NALCN: variants seen among roughly 807,000 people sequenced by gnomAD.
NALCN encodes sodium leak channel, non-selective, also known as sodium leak channel NALCN.
A neutral mutation model predicts 225.3 loss-of-function variants in NALCN; 111 were observed. The observed-to-expected ratio is 0.49, with a 90% CI of 0.42 to 0.58. The LOEUF is 0.58. Ranked by LOEUF, NALCN falls within the 20% of genes least tolerant of loss-of-function variation. The pLI, the probability that NALCN is intolerant of heterozygous loss-of-function variation, is 0.00. For missense variants in NALCN, 1,378 were observed against 2,202.4 expected (o/e 0.63, Z 7.49); for synonymous variants, 764 against 769.0 (o/e 0.99, Z 0.11).
chr13:101,261,935 A>G (rs1322483250), intron 10 of NALCN, among the ~76,000 whole-genome samples: 3 of 152,172 alleles, frequency 2.0e-5, no homozygotes, highest in Non-Finnish European at 4.4e-5. Context: ...GTATTAGAGG[A>G]AAGGCTTTTC....
intron 40 of NALCN, 57 bp downstream of exon 40, chr13:101,065,347 A>G: frequency 6.3e-7 from 1 of 1,584,834 alleles, no homozygotes; most frequent in East Asian, 2.2e-5. Flanking sequence ...GAGGCCTTGA[A>G]GGCTGACAGC....
rs147182032 is a variant in NALCN at position 101,335,518 on chromosome 13, T to C, written c.799+9748A>G. On this transcript the variant is annotated intron_variant, in intron 7 of 43. Coordinates refer to ENST00000251127, the MANE Select transcript of NALCN (RefSeq NM_052867.4). ...TTGTCCTCGACTCAACAAAAATATG[T>C]CAGGTTTTCCTTGTTCCATGATAAA... Among the ~76,000 whole-genome samples the C allele has an allele frequency of 2.3e-3, 346 of 152,256 alleles. 2 individuals are homozygous for C. Among genetic ancestry groups the C allele is most frequent in the African/African-American group, 8.0e-3 (334 of 41,556 alleles).
chr13:101,103,372 A>G (rs1167238468), intron 25 of NALCN, 33 bp from the exon 26 acceptor site: 1 of 1,585,176 alleles, frequency 6.3e-7, no homozygotes, highest in Admixed American at 1.8e-5. Flanking sequence ...TGGAATTTAT[A>G]CAATTCATCC....
Position 101,302,876 on chromosome 13 carries a change from G to A in NALCN, c.800-10510C>T, listed in dbSNP as rs532254887. On this transcript the variant is annotated intron_variant, in intron 7 of 43. Transcript: ENST00000251127. Reference sequence around the variant, plus strand: ...GAAAACATGTTTAAAATTGAAATTTGTTCAACTGGTTTAGGTTTTTTTTTT... The same window carrying A: ...GAAAACATGTTTAAAATTGAAATTTATTCAACTGGTTTAGGTTTTTTTTTT... 1.9e-3 allele frequency among the ~76,000 whole-genome samples: 284 copies of A among 151,398 alleles called. 1 individual carries two copies. The highest frequency in any genetic ancestry group is 4.1e-3 in the Admixed American group (62 of 15,222).
At chr13:101,277,881 C>A (rs567618781) in intron 10 of NALCN, among the ~76,000 whole-genome samples, 1 of 152,192 alleles carries the variant, frequency 6.6e-6, no homozygotes, top group African/African-American at 2.4e-5. Context: ...AGCCTCTCTG[C>A]CTCTGCTCAT....
In NALCN at chr13:101,387,385, G is replaced by A. The variant is rs528713998; in HGVS notation, c.291+7798C>T. Among the ~76,000 whole-genome samples, 205 of 152,134 alleles carry A rather than the reference G, an allele frequency of 1.3e-3. 2 individuals carry two copies. Among genetic ancestry groups the A allele is most frequent in the Non-Finnish European group, 2.5e-3 (170 of 68,016 alleles). On this transcript the variant is annotated intron_variant, in intron 3 of 43. Coordinates refer to ENST00000251127, the MANE Select transcript of NALCN (RefSeq NM_052867.4). ...TTGACTATTCCTTAGAAATATTTTA[G>A]ATGGAAATCAGTGAATATTAAACAT...
rs192114249 is a variant in NALCN, at chr13:101,341,043, C to T, written c.799+4223G>A. 2.6e-5 allele frequency among the ~76,000 whole-genome samples: 4 copies of T among 152,030 alleles called. No individual in the cohort carries two copies. In the East Asian group the frequency reaches 5.8e-4, roughly 22 times the overall value. ...TGTATAAATGTTACTTTTTTAACTG[C>T]TAAAATGTGAATGTTAAGAATATCA... On this transcript the variant is annotated intron_variant, in intron 7 of 43. Coordinates refer to ENST00000251127, the MANE Select transcript of NALCN (RefSeq NM_052867.4).
chr13:101,384,337 G>T (rs114464008), intron 3 of NALCN, among the ~76,000 whole-genome samples: 115 of 152,202 alleles, frequency 7.6e-4, no homozygotes, highest in African/African-American at 2.6e-3. Flanking sequence ...GCTGAGGAGA[G>T]GAGTGCTTCA....
In NALCN at chr13:101,131,659, G is replaced by A. The variant is rs188883314; in HGVS notation, c.2119-6978C>T. Among the ~76,000 whole-genome samples, 480 of 152,174 alleles carry A rather than the reference G, an allele frequency of 3.2e-3. 4 individuals are homozygous for A. Among genetic ancestry groups the A allele is most frequent in the African/African-American group, 0.011 (439 of 41,524 alleles). Reference sequence around the variant, plus strand: ...TTCTACCATTCCATGAACATTGGACGCTCTGTAACTAAGCTTGGTTTCCTC... The same window carrying A: ...TTCTACCATTCCATGAACATTGGACACTCTGTAACTAAGCTTGGTTTCCTC... On this transcript the variant is annotated intron_variant, in intron 17 of 43. Transcript: ENST00000251127.
At chr13:101,071,984 A>T (rs570227080) in intron 37 of NALCN, among the ~76,000 whole-genome samples, 2 of 152,176 alleles carry the variant, frequency 1.3e-5, no homozygotes, top group African/African-American at 4.8e-5. Flanking sequence ...AAGAGAGAAG[A>T]GTTGGAGAAA....
At chr13:101,245,787 A>G (rs12865193) in intron 11 of NALCN, among the ~76,000 whole-genome samples, 26,267 of 151,994 alleles carry the variant, frequency 0.17, 2,445 homozygotes, top group East Asian at 0.37. Flanking sequence ...ACCAGGGGCT[A>G]CTCCCTTTGC....
chr13:101,201,655 T>G (rs150416384), intron 13 of NALCN, among the ~76,000 whole-genome samples: 24 of 151,242 alleles, frequency 1.6e-4, no homozygotes, highest in South Asian at 1.3e-3. Flanking sequence ...TACTTCTGAC[T>G]TTTTTTTTAC....
At chr13:101,096,832 G>A (rs1471282341) in intron 27 of NALCN, among the ~76,000 whole-genome samples, 1 of 152,156 alleles carries the variant, frequency 6.6e-6, no homozygotes, top group African/African-American at 2.4e-5. Context: ...CTTTGGCTAT[G>A]ATGGTCATAT....
At position 101,055,140 on chromosome 13, in the gene NALCN, A is replaced by G; in HGVS notation, c.*155T>C. ...TAGTAACCCATCATACATGCAGCTT[A>G]TGCCTTTCTGTGGCAGGATGAAAAT... On this transcript the variant is annotated 3_prime_UTR_variant, in exon 44 of 44. Transcript: ENST00000251127. 1.5e-6 allele frequency: 1 copy of G among 670,960 alleles called. No individual in the cohort carries two copies. The highest frequency in any genetic ancestry group is 2.5e-6 in the Non-Finnish European group (1 of 405,326). The allele number at this position is 670,960 out of a possible 1,614,324, so 41.6% of individuals were successfully genotyped here. A position where few individuals can be genotyped will look rare whatever the true frequency, so the allele number is the denominator to read the frequency against.
intron 14 of NALCN, among the ~76,000 whole-genome samples, chr13:101,177,578 T>TA (rs1195855469): frequency 6.6e-6 from 1 of 151,856 alleles, no homozygotes; most frequent in Non-Finnish European, 1.5e-5. Context: ...TCTCAGTTTT[T>TA]AAAAAATGTA....
At chr13:101,121,044 T>C (rs1231136409) in intron 18 of NALCN, among the ~76,000 whole-genome samples, 1 of 152,194 alleles carries the variant, frequency 6.6e-6, no homozygotes, top group Non-Finnish European at 1.5e-5. Flanking sequence ...GAATAAGTAT[T>C]AAATTTTGCT....
intron 11 of NALCN, among the ~76,000 whole-genome samples, chr13:101,254,890 C>CAAAAAAA (rs149258180): frequency 2.6e-5 from 1 of 38,486 alleles, no homozygotes; most frequent in African/African-American, 9.5e-5. Context: ...GACTCTGTCT[C>CAAAAAAA]AAAAAAAAAA....
chr13:101,166,898 A>G (rs1184659782), intron 15 of NALCN, among the ~76,000 whole-genome samples: 1 of 152,158 alleles, frequency 6.6e-6, no homozygotes, highest in Non-Finnish European at 1.5e-5. Flanking sequence ...TTTATATATG[A>G]TATAAGGTAA....
At chr13:101,283,544 A>G (rs1041345372) in intron 10 of NALCN, among the ~76,000 whole-genome samples, 3 of 152,208 alleles carry the variant, frequency 2.0e-5, no homozygotes, top group Non-Finnish European at 2.9e-5. Context: ...CCAAATGCAG[A>G]AAAACAGAGA....
Sources: gnomAD v4.1 joint callset for allele counts (sites outside exome capture counted in the v4.1 genomes callset) on GRCh38, gnomAD v4.1.1 for gene constraint, MANE v1.5 for transcripts, NCBI Gene and HGNC (gene_info 2026-07-23, HGNC 2026-07-21) for gene names.